ROBO2: variants seen among roughly 807,000 people sequenced by gnomAD.
ROBO2 encodes roundabout guidance receptor 2, also known as roundabout homolog 2.
A neutral mutation model predicts 160.8 loss-of-function variants in ROBO2; 53 were observed. The ratio of observed to expected loss-of-function variants is 0.33; its 90% confidence interval spans 0.26 to 0.41. The LOEUF is 0.41. Among genes scored for constraint, ROBO2 ranks in the 10% least tolerant of loss-of-function variants. The pLI is 1.00. For missense variants in ROBO2, 1,577 were observed against 1,722.4 expected (o/e 0.92, Z 1.49); for synonymous variants, 664 against 611.7 (o/e 1.09, Z -1.26).
chr3:77,160,342 A>C (rs923270008), intron 2 of ROBO2, among the ~76,000 whole-genome samples: 3 of 145,740 alleles, frequency 2.1e-5, no homozygotes, highest in Non-Finnish European at 4.7e-5. Context: ...AATGATAATT[A>C]TTTTATAAAG....
chr3:76,968,265 T>A (rs2059406124), intron 2 of ROBO2, among the ~76,000 whole-genome samples: 1 of 152,224 alleles, frequency 6.6e-6, no homozygotes, highest in African/African-American at 2.4e-5. Context: ...CTTGCAGCTA[T>A]ACGTTATGTT....
At chr3:75,978,097 ATAG>A (rs559900549) in intron 2 of ROBO2, among the ~76,000 whole-genome samples, 6 of 151,586 alleles carry the variant, frequency 4.0e-5, no homozygotes, top group Non-Finnish European at 8.9e-5. Flanking sequence ...AAAATCAGCG[ATAG>A]TAGTTTTCAG....
At chr3:76,837,005 G>T (rs2067759586) in intron 2 of ROBO2, among the ~76,000 whole-genome samples, 1 of 149,816 alleles carries the variant, frequency 6.7e-6, no homozygotes, top group Non-Finnish European at 1.5e-5. Context: ...CTATAATTGT[G>T]AAATTGCATA....
chr3:76,248,763 A>G (rs1465104257), intron 2 of ROBO2, among the ~76,000 whole-genome samples: 5 of 151,702 alleles, frequency 3.3e-5, no homozygotes, highest in African/African-American at 4.8e-5. Context: ...GCACTGATAC[A>G]TTTTGTCATA....
intron 2 of ROBO2, among the ~76,000 whole-genome samples, chr3:76,491,415 A>G (rs149176950): frequency 6.8e-4 from 103 of 152,246 alleles, no homozygotes; most frequent in Middle Eastern, 3.4e-3. Flanking sequence ...GTACTTCACA[A>G]TTAAGTAGAA....
chr3:75,977,913 C>T (rs1309947594), intron 2 of ROBO2, among the ~76,000 whole-genome samples: 1 of 151,452 alleles, frequency 6.6e-6, no homozygotes, highest in Non-Finnish European at 1.5e-5. Context: ...AACATTTTCT[C>T]ATTGAACTTT....
In ROBO2 at chr3:77,642,906, T is replaced by A. The variant is rs140869943; in HGVS notation, c.3935-1798T>A. On this transcript the variant is annotated intron_variant, in intron 24 of 25. Transcript: ENST00000461745. ...TAAGCTCCACAGAACGACAAGAAGA[T>A]ATACGGAAAGCCCCACACAAACAAG... 2.0e-3 allele frequency: 911 copies of A among 456,608 alleles called. 7 individuals carry two copies. The highest frequency in any genetic ancestry group is 0.016 in the African/African-American group (825 of 50,198). The allele number at this position is 456,608 out of a possible 1,614,324, so 28.3% of individuals were successfully genotyped here.
chr3:76,067,624 A>G (rs1457063340), intron 2 of ROBO2, among the ~76,000 whole-genome samples: 1 of 152,144 alleles, frequency 6.6e-6, no homozygotes, highest in Non-Finnish European at 1.5e-5. Context: ...TTGGTGTCAT[A>G]TCAGAAACAT....
At chr3:75,984,024 G>C (rs937461025) in intron 2 of ROBO2, among the ~76,000 whole-genome samples, 4 of 151,310 alleles carry the variant, frequency 2.6e-5, no homozygotes, top group Non-Finnish European at 4.4e-5. Flanking sequence ...CTAGTAGGGA[G>C]ATACCTAAAT....
chr3:76,615,290 C>G (rs1329534837), intron 2 of ROBO2, among the ~76,000 whole-genome samples: 8 of 152,022 alleles, frequency 5.3e-5, no homozygotes, highest in African/African-American at 1.9e-4. Context: ...AACCCACAAG[C>G]AATTATAAAT....
intron 2 of ROBO2, among the ~76,000 whole-genome samples, chr3:76,227,557 A>C (rs908806864): frequency 2.0e-5 from 3 of 152,114 alleles, no homozygotes; most frequent in Non-Finnish European, 4.4e-5. Context: ...ATAGCTTTTC[A>C]TTTTTGATAG....
At chr3:76,554,379 C>CT (rs1371736566) in intron 2 of ROBO2, among the ~76,000 whole-genome samples, 5 of 151,918 alleles carry the variant, frequency 3.3e-5, no homozygotes, top group Non-Finnish European at 1.5e-5. Context: ...TCTTTTTGGG[C>CT]TTTTTTTGGT....
At chr3:76,544,886 T>C (rs550311018) in intron 2 of ROBO2, among the ~76,000 whole-genome samples, 1 of 152,032 alleles carries the variant, frequency 6.6e-6, no homozygotes, top group Non-Finnish European at 1.5e-5. Context: ...CCTTTACTGC[T>C]ACCCTTTTGT....
chr3:77,445,991 G>C (rs1040968656), intron 2 of ROBO2, among the ~76,000 whole-genome samples: 1 of 151,526 alleles, frequency 6.6e-6, no homozygotes, highest in Non-Finnish European at 1.5e-5. Flanking sequence ...TTTATTCTTC[G>C]GGTTTGTGAG....
intron 2 of ROBO2, among the ~76,000 whole-genome samples, chr3:76,172,656 A>C (rs2107016684): frequency 6.6e-6 from 1 of 152,194 alleles, no homozygotes; most frequent in East Asian, 1.9e-4. Context: ...ACAAAATCTC[A>C]GGGGAAAAGA....
intron 2 of ROBO2, among the ~76,000 whole-genome samples, chr3:76,759,362 TA>T (rs1183079848): frequency 4.0e-5 from 6 of 151,818 alleles, no homozygotes; most frequent in Admixed American, 6.6e-5. Flanking sequence ...AAAATCCAAA[TA>T]TTTTTTGACA....
chr3:76,436,777 G>A (rs763523108), intron 2 of ROBO2, among the ~76,000 whole-genome samples: 3 of 152,060 alleles, frequency 2.0e-5, no homozygotes, highest in Non-Finnish European at 2.9e-5. Flanking sequence ...AAAGTGTCCC[G>A]TACATTGCTT....
At chr3:76,108,878 TATTA>T (rs529890203) in intron 2 of ROBO2, among the ~76,000 whole-genome samples, 71 of 151,542 alleles carry the variant, frequency 4.7e-4, no homozygotes, top group East Asian at 3.7e-3. Flanking sequence ...TGATTTTAGT[TATTA>T]ATTTATCAAT....
At chr3:77,301,706 T>A (rs544438714) in intron 2 of ROBO2, among the ~76,000 whole-genome samples, 1 of 152,324 alleles carries the variant, frequency 6.6e-6, no homozygotes, top group Admixed American at 6.5e-5. Flanking sequence ...TCATCATAGT[T>A]AAAATGATAC....
Sources: gnomAD v4.1 joint callset for allele counts (sites outside exome capture counted in the v4.1 genomes callset) on GRCh38, gnomAD v4.1.1 for gene constraint, MANE v1.5 for transcripts, NCBI Gene and HGNC (gene_info 2026-07-23, HGNC 2026-07-21) for gene names.